Variants in SLC24A2 observed in about 807,000 individuals in gnomAD.
The protein encoded by SLC24A2 is solute carrier family 24 member 2.
Under a neutral mutation model 62.0 loss-of-function variants are expected in SLC24A2, and 36 were observed. The ratio of observed to expected loss-of-function variants is 0.58; its 90% CI spans 0.44 to 0.77. SLC24A2 has a LOEUF of 0.77. Among genes scored for constraint, SLC24A2 ranks in the 30% least tolerant of loss-of-function variants. The probability of loss-of-function intolerance (pLI) is 0.00; values close to 1 mark genes in which losing one functional copy is unlikely to be tolerated. For missense variants in SLC24A2, 846 were observed against 817.9 expected (o/e 1.03, Z -0.42); for synonymous variants, 358 against 294.0 (o/e 1.22, Z -2.23).
chr9:19,910,831 C>A, the SLC24A2 span, among the ~76,000 whole-genome samples: 5 of 151,750 alleles, frequency 3.3e-5, no homozygotes, highest in African/African-American at 1.2e-4. Flanking sequence ...TCCATAGTAG[C>A]TTTTACGTTA....
At chr9:20,124,609 C>G in the SLC24A2 span, among the ~76,000 whole-genome samples, 1 of 152,150 alleles carries the variant, frequency 6.6e-6, no homozygotes, top group African/African-American at 2.4e-5. Flanking sequence ...TTCATGCTAA[C>G]TTTCATTTAT....
chr9:20,178,888 G>A, the SLC24A2 span, among the ~76,000 whole-genome samples: 1 of 152,110 alleles, frequency 6.6e-6, no homozygotes, highest in Non-Finnish European at 1.5e-5. Context: ...ACATACCTAG[G>A]AGGATGCTCA....
the SLC24A2 span, among the ~76,000 whole-genome samples, chr9:20,285,061 C>T: frequency 8.5e-5 from 13 of 152,190 alleles, no homozygotes; most frequent in African/African-American, 2.6e-4. Context: ...GCCAAAATGA[C>T]GCAAACAATA....
the SLC24A2 span, among the ~76,000 whole-genome samples, chr9:20,206,863 A>AT: frequency 1.1e-5 from 1 of 89,474 alleles, no homozygotes. Flanking sequence ...TATAACCCTC[A>AT]TAAAAAAAAA....
the SLC24A2 span, among the ~76,000 whole-genome samples, chr9:20,069,519 T>G: frequency 6.6e-6 from 1 of 152,190 alleles, no homozygotes; most frequent in Non-Finnish European, 1.5e-5. Flanking sequence ...ACAATGCAGG[T>G]CAACAAACAG....
At chr9:19,736,852 A>C (rs1587244544) in intron 2 of SLC24A2, among the ~76,000 whole-genome samples, 1 of 152,292 alleles carries the variant, frequency 6.6e-6, no homozygotes, top group Non-Finnish European at 1.5e-5. Flanking sequence ...ACCCTGTCTT[A>C]AAAGAAATAA....
chr9:20,124,380 A>AT, the SLC24A2 span, among the ~76,000 whole-genome samples: 2 of 152,194 alleles, frequency 1.3e-5, no homozygotes, highest in Non-Finnish European at 2.9e-5. Flanking sequence ...TTAAAAAAAA[A>AT]GAAGAAGAAG....
chr9:19,694,223 T>C (rs536584907), intron 2 of SLC24A2, among the ~76,000 whole-genome samples: 1 of 152,132 alleles, frequency 6.6e-6, no homozygotes, highest in Non-Finnish European at 1.5e-5. Context: ...AGGGTAAAGA[T>C]ATCATAATAT....
At chr9:20,221,180 GAAGAT>G in the SLC24A2 span, among the ~76,000 whole-genome samples, 12 of 152,074 alleles carry the variant, frequency 7.9e-5, no homozygotes, top group African/African-American at 2.9e-4. Flanking sequence ...GTGCCATGGA[GAAGAT>G]AAGAGTGACA....
At chr9:20,169,395 A>G in the SLC24A2 span, among the ~76,000 whole-genome samples, 1 of 151,990 alleles carries the variant, frequency 6.6e-6, no homozygotes. Flanking sequence ...GAAAGTGAAG[A>G]GAACTCACAA....
chr9:19,690,567 G>A (rs1273481764), intron 2 of SLC24A2, among the ~76,000 whole-genome samples: 1 of 152,096 alleles, frequency 6.6e-6, no homozygotes, highest in African/African-American at 2.4e-5. Context: ...AGAACTAACT[G>A]ACAGAAAAGC....
the SLC24A2 span, among the ~76,000 whole-genome samples, chr9:19,991,035 C>CACATACATACAT: frequency 2.0e-5 from 3 of 147,008 alleles, no homozygotes; most frequent in Middle Eastern, 3.5e-3. Flanking sequence ...CATATATACA[C>CACATACATACAT]ACATACATAC....
At chr9:20,065,767 C>T in the SLC24A2 span, among the ~76,000 whole-genome samples, 1 of 152,088 alleles carries the variant, frequency 6.6e-6, no homozygotes, top group African/African-American at 2.4e-5. Flanking sequence ...AACCCTGAAC[C>T]CCTGTTCCTT....
chr9:19,885,676 G>T, the SLC24A2 span, among the ~76,000 whole-genome samples: 19 of 152,204 alleles, frequency 1.2e-4, no homozygotes, highest in African/African-American at 4.3e-4. Flanking sequence ...ATGGGGGTTT[G>T]GTGTACAGAT....
chr9:20,061,353 C>G, the SLC24A2 span, among the ~76,000 whole-genome samples: 1 of 151,686 alleles, frequency 6.6e-6, no homozygotes, highest in African/African-American at 2.4e-5. Flanking sequence ...GGTGCATGAT[C>G]TTGGCTCACC....
At chr9:20,155,413 T>G in the SLC24A2 span, among the ~76,000 whole-genome samples, 1 of 151,810 alleles carries the variant, frequency 6.6e-6, no homozygotes, top group Admixed American at 6.6e-5. Context: ...GCTGAATTTA[T>G]AGAACAAGAT....
At chr9:19,520,486 G>C (rs142621385) in intron 10 of SLC24A2, among the ~76,000 whole-genome samples, 59 of 152,246 alleles carry the variant, frequency 3.9e-4, no homozygotes, top group African/African-American at 1.4e-3. Flanking sequence ...TGTATGGTAG[G>C]CCTATGTTTT....
intron 2 of SLC24A2, among the ~76,000 whole-genome samples, chr9:19,779,271 A>C (rs757790880): frequency 6.6e-6 from 1 of 152,234 alleles, no homozygotes; most frequent in Admixed American, 6.5e-5. Flanking sequence ...ATGAGTCACA[A>C]ATAGAGGATA....
the SLC24A2 span, among the ~76,000 whole-genome samples, chr9:19,850,467 T>C: frequency 2.5e-4 from 38 of 152,286 alleles, no homozygotes; most frequent in Admixed American, 1.3e-3. Context: ...TATAGCTTTA[T>C]TGAGGTATAA....
Sources: allele counts gnomAD v4.1 joint callset (sites outside exome capture counted in the v4.1 genomes callset), GRCh38; gene constraint gnomAD v4.1.1; transcripts MANE v1.5; gene names NCBI Gene and HGNC (gene_info 2026-07-23, HGNC 2026-07-21).